EXOC2: variants seen among roughly 807,000 people sequenced by gnomAD.
EXOC2 encodes the protein SEC5-like 1.
Under a neutral mutation model 131.8 loss-of-function variants are expected in EXOC2, and 70 were observed. The observed-to-expected ratio is 0.53, with a 90% CI of 0.44 to 0.65. EXOC2 has a LOEUF of 0.65. Ranked by LOEUF, EXOC2 falls within the 30% of genes least tolerant of loss-of-function variation. The pLI, the probability that EXOC2 is intolerant of heterozygous loss-of-function variation, is 0.00. For synonymous variants in EXOC2, 411 were observed against 398.4 expected (o/e 1.03, Z -0.38); for missense variants, 923 against 1,108.6 (o/e 0.83, Z 2.38).
rs374766238 is a variant in EXOC2, at chr6:491,771, A to G, written c.2560-585T>C. ...GCAAGGCACTCAGAACAGCCAAAAC[A>G]ATCTTAGAGTAACACATTTAGAGGC... is the stretch of plus-strand genomic sequence containing the variant. On this transcript the variant is annotated intron_variant, in intron 25 of 27. Transcript: ENST00000230449. Among the ~76,000 whole-genome samples, 6 of 152,254 alleles carry G rather than the reference A, an allele frequency of 3.9e-5. No homozygotes were observed. In the East Asian group the frequency reaches 9.6e-4, roughly 24 times the overall value.
chr6:635,629 T>C (rs1193742), intron 2 of EXOC2, among the ~76,000 whole-genome samples: 107,787 of 152,230 alleles, frequency 0.71, 38,814 homozygotes, highest in Middle Eastern at 0.88. Flanking sequence ...GTACTTTTTA[T>C]AGTGCTTTGC....
chr6:687,746 C>T (rs1764729279), intron 1 of EXOC2, among the ~76,000 whole-genome samples: 1 of 152,186 alleles, frequency 6.6e-6, no homozygotes, highest in South Asian at 2.1e-4. Flanking sequence ...ATGACTTTGG[C>T]CTTCAGGAGA....
chr6:624,908 A>G (rs978745701), intron 4 of EXOC2, among the ~76,000 whole-genome samples: 8 of 152,206 alleles, frequency 5.3e-5, no homozygotes, highest in Non-Finnish European at 1.0e-4. Context: ...AAAAAGCAAC[A>G]TACGCTCTGA....
intron 11 of EXOC2, among the ~76,000 whole-genome samples, chr6:588,924 A>G (rs972110103): frequency 6.6e-6 from 1 of 152,174 alleles, no homozygotes; most frequent in Non-Finnish European, 1.5e-5. Flanking sequence ...AAAGATTCAG[A>G]CCTTTGGTGA....
At chr6:674,742 G>A (rs1764031812) in intron 1 of EXOC2, among the ~76,000 whole-genome samples, 1 of 111,478 alleles carries the variant, frequency 9.0e-6, no homozygotes, top group African/African-American at 3.9e-5. Context: ...TTGTTTGTTT[G>A]TTGTCAGTGC....
At chr6:688,549 A>G (rs1467029241) in intron 1 of EXOC2, among the ~76,000 whole-genome samples, 1 of 152,242 alleles carries the variant, frequency 6.6e-6, no homozygotes, top group East Asian at 1.9e-4. Flanking sequence ...ACTATAAGCA[A>G]ACAGTGGGAG....
chr6:620,408 C>T (rs977909486), intron 4 of EXOC2, among the ~76,000 whole-genome samples: 7 of 152,308 alleles, frequency 4.6e-5, no homozygotes, highest in East Asian at 3.9e-4. Context: ...TATACTGTCT[C>T]GCATGTTGGT....
Position 678,720 on chromosome 6 carries a change from T to G in EXOC2, c.-44+14299A>C, listed in dbSNP as rs1010170885. On this transcript the variant is annotated intron_variant, in intron 1 of 27. Transcript: ENST00000230449. ...GGGGCTCCAGGGCAACAGGGGGAAG[T>G]GCTTCTTTAAAGCCACAGCACTGCA... Among the ~76,000 whole-genome samples the G allele has an allele frequency of 3.3e-5, 5 of 152,204 alleles. No individual in the cohort carries two copies. The East Asian group carries it at 9.6e-4, about 29-fold the overall frequency.
At chr6:528,036 G>T (rs1002322530) in intron 23 of EXOC2, among the ~76,000 whole-genome samples, 1 of 152,018 alleles carries the variant, frequency 6.6e-6, no homozygotes, top group Non-Finnish European at 1.5e-5. Flanking sequence ...GCAGATAACA[G>T]AACAATTAAA....
Position 514,466 on chromosome 6 carries a change from T to C in EXOC2, c.2381-14766A>G, listed in dbSNP as rs536993608. ...CCTCAAGAGTAGAAAACAGGAAACA[T>C]AGAGAGAGTTGCTCTGTGGTTTAAC... On this transcript the variant is annotated intron_variant, in intron 23 of 27. Coordinates refer to ENST00000230449, the MANE Select transcript of EXOC2 (RefSeq NM_018303.6). Among the ~76,000 whole-genome samples, 48 of 152,290 alleles carry C rather than the reference T, an allele frequency of 3.2e-4. 2 individuals carry two copies. The South Asian group carries it at 9.5e-3, about 30-fold the overall frequency.
chr6:505,622 C>G (rs964042450), intron 23 of EXOC2, among the ~76,000 whole-genome samples: 3 of 152,240 alleles, frequency 2.0e-5, no homozygotes, highest in African/African-American at 7.2e-5. Context: ...CAGGTGCTGC[C>G]TGGATCCACC....
At chr6:558,967 C>A (rs1303470339) in intron 17 of EXOC2, among the ~76,000 whole-genome samples, 1 of 152,144 alleles carries the variant, frequency 6.6e-6, no homozygotes, top group Non-Finnish European at 1.5e-5. Flanking sequence ...CTAGAAAGTT[C>A]AATGAGTGCT....
chr6:485,174 G>A lies in EXOC2; in HGVS notation c.*1497C>T, dbSNP rs2127458769. On this transcript the variant is annotated 3_prime_UTR_variant, in exon 28 of 28. Coordinates refer to ENST00000230449, the MANE Select transcript of EXOC2 (RefSeq NM_018303.6). ...TTACATTAAAGGCAGATTCTTTATT[G>A]GCTGAATGTGCTGTAGTAGATATTT... The A allele has an allele frequency of 6.6e-6, 1 of 152,306 alleles. No individual in the cohort carries two copies. Among genetic ancestry groups the A allele is most frequent in the South Asian group, 2.1e-4 (1 of 4,822 alleles). 9.4% of individuals were successfully genotyped at this position (152,306 alleles called of 1,614,324 possible).
chr6:655,893 G>T (rs781073810), intron 1 of EXOC2: 18 of 455,548 alleles, frequency 4.0e-5, no homozygotes, highest in Non-Finnish European at 6.2e-5. Context: ...TCTTAAGCAG[G>T]AAAAAAACCT....
rs139552685 is a variant in EXOC2 at position 656,647 on chromosome 6, G to C, written c.-43-18786C>G. Reference sequence around the variant, plus strand: ...CGCTTGTGGGTCAGCTGCAGCTTCAGGGAGGACGCGCCCGCTGCGCTTCTC... The same window carrying C: ...CGCTTGTGGGTCAGCTGCAGCTTCACGGAGGACGCGCCCGCTGCGCTTCTC... On this transcript the variant is annotated intron_variant, in intron 1 of 27. Coordinates refer to ENST00000230449, the MANE Select transcript of EXOC2 (RefSeq NM_018303.6). 672 of 1,607,318 alleles carry C rather than the reference G, an allele frequency of 4.2e-4. 2 individuals are homozygous for C. Among genetic ancestry groups the C allele is most frequent in the Non-Finnish European group, 5.2e-4 (607 of 1,177,092 alleles).
intron 21 of EXOC2, among the ~76,000 whole-genome samples, chr6:553,396 T>TGTGC (rs1757253132): frequency 6.7e-6 from 1 of 150,280 alleles, no homozygotes; most frequent in Admixed American, 6.6e-5. Flanking sequence ...TATAAGTGTG[T>TGTGC]GTGTGTGTGT....
chr6:618,415 CTCTGTATTTCA>C (rs1761120763), intron 5 of EXOC2, among the ~76,000 whole-genome samples: 1 of 152,146 alleles, frequency 6.6e-6, no homozygotes, highest in African/African-American at 2.4e-5. Flanking sequence ...AAAGACAGGC[CTCTGTATTTCA>C]GAAGTTTTAT....
chr6:562,900 T>C, intron 16 of EXOC2, 55 bp from the exon 17 acceptor site: 1 of 1,317,306 alleles, frequency 7.6e-7, no homozygotes, highest in South Asian at 1.5e-5. Flanking sequence ...CTAAATTTTA[T>C]ACAGATTAAA....
chr6:637,029 C>T (rs184860547), intron 2 of EXOC2, among the ~76,000 whole-genome samples: 2 of 152,176 alleles, frequency 1.3e-5, no homozygotes, highest in African/African-American at 2.4e-5. Context: ...CAGTAAAGGC[C>T]GCCACATCAT....
Sources: gnomAD v4.1 joint callset for allele counts (sites outside exome capture counted in the v4.1 genomes callset) on GRCh38, gnomAD v4.1.1 for gene constraint, MANE v1.5 for transcripts, NCBI Gene and HGNC (gene_info 2026-07-23, HGNC 2026-07-21) for gene names.